The following TCF20 variants were observed in gnomAD, a reference collection of about 807,000 sequenced individuals.
TCF20 encodes transcription factor 20.
Under a neutral mutation model 148.6 loss-of-function variants are expected in TCF20, and 3 were observed. The ratio of observed to expected loss-of-function variants is 0.02; its 90% CI spans 0.01 to 0.05. TCF20 has a LOEUF of 0.05. TCF20 is among the 10% of genes least tolerant of loss of function. The probability of loss-of-function intolerance (pLI) is 1.00; values close to 1 mark genes in which losing one functional copy is unlikely to be tolerated. For synonymous variants in TCF20, 1,049 were observed against 909.5 expected, an observed-to-expected ratio of 1.15 and a Z score of -2.76; for missense variants, 2,350 against 2,429.3, an observed-to-expected ratio of 0.97 and a Z score of 0.69.
At chr22:42,335,967 G>A (rs2147061368) in intron 1 of TCF20, among the ~76,000 whole-genome samples, 1 of 152,310 alleles carries the variant, frequency 6.6e-6, no homozygotes, top group East Asian at 1.9e-4. Flanking sequence ...CCAGACACCA[G>A]GAATACAGTC....
intron 1 of TCF20, chr22:42,270,007 G>C (rs1158350089): frequency 6.6e-6 from 1 of 152,494 alleles, no homozygotes; most frequent in East Asian, 1.9e-4. Context: ...TTGCACCCAA[G>C]GCCTCGCGCG....
chr22:42,218,290 C>T (rs951167736), intron 1 of TCF20, among the ~76,000 whole-genome samples: 1 of 152,164 alleles, frequency 6.6e-6, no homozygotes, highest in African/African-American at 2.4e-5. Context: ...ACCAGTTGTC[C>T]TGTCAGTTTG....
chr22:42,178,922 A>T (rs1157418887), intron 3 of TCF20, among the ~76,000 whole-genome samples: 1 of 152,104 alleles, frequency 6.6e-6, no homozygotes, highest in Non-Finnish European at 1.5e-5. Context: ...TCTCCAAAGA[A>T]GATGTACAAA....
chr22:42,174,180 C>T (rs1296152336), intron 3 of TCF20, among the ~76,000 whole-genome samples: 4 of 152,078 alleles, frequency 2.6e-5, no homozygotes, highest in Non-Finnish European at 5.9e-5. Context: ...TAAGCCTGTG[C>T]TGTTCAGCCA....
intron 1 of TCF20, among the ~76,000 whole-genome samples, chr22:42,233,568 G>A (rs1354680127): frequency 1.3e-5 from 2 of 152,190 alleles, no homozygotes; most frequent in Non-Finnish European, 2.9e-5. Context: ...TAGAACACAA[G>A]CCATGATAAG....
chr22:42,313,710 C>T (rs1467776713), intron 1 of TCF20, among the ~76,000 whole-genome samples: 1 of 151,846 alleles, frequency 6.6e-6, no homozygotes, highest in Admixed American at 6.6e-5. Context: ...AGCAGTTCTC[C>T]CGCCTCAGCC....
At chr22:42,192,292 T>A (rs1462044919) in intron 2 of TCF20, among the ~76,000 whole-genome samples, 2 of 152,242 alleles carry the variant, frequency 1.3e-5, no homozygotes, top group African/African-American at 2.4e-5. Context: ...ATTTCAAATC[T>A]GTGAAGATCA....
intron 1 of TCF20, among the ~76,000 whole-genome samples, chr22:42,326,363 G>T (rs1290700454): frequency 6.6e-6 from 1 of 152,130 alleles, no homozygotes; most frequent in Non-Finnish European, 1.5e-5. Context: ...TCTGATTCTG[G>T]TGAAGCCGCC....
At chr22:42,303,701 G>A (rs372717368) in intron 1 of TCF20, among the ~76,000 whole-genome samples, 1 of 152,164 alleles carries the variant, frequency 6.6e-6, no homozygotes, top group African/African-American at 2.4e-5. Flanking sequence ...GGACCCTTGC[G>A]GATTAGAGGA....
At chr22:42,319,799 C>T (rs895316562) in intron 1 of TCF20, among the ~76,000 whole-genome samples, 7 of 152,110 alleles carry the variant, frequency 4.6e-5, no homozygotes, top group Non-Finnish European at 1.0e-4. Context: ...GCGAGGAGGC[C>T]GGGGAAGCCA....
rs749006743 is a variant in TCF20 at position 42,213,616 on chromosome 22, C to A, written c.1690G>T (p.Ala564Ser). The A allele has an allele frequency of 3.7e-6, 6 of 1,614,108 alleles. No individual in the cohort carries two copies. Among genetic ancestry groups the A allele is most frequent in the Non-Finnish European group, 5.1e-6 (6 of 1,180,042 alleles). The part of the protein sequence containing the change: ...EKAGSSPAQG[A>S]QNEPPRLNAS... The stretch of plus-strand genomic sequence containing the variant: ...TTGAGTCTGGGGGGTTCATTCTGAG[C>A]ACCTTGTGCCGGTGAGGAGCCAGCT... Residue 564 changes from alanine (A) to serine (S), a missense_variant, in exon 2 of 6, where the codon GCT (alanine) becomes TCT (serine). Ala to Ser is a moderately conservative substitution (Grantham distance 99). Coordinates refer to ENST00000677622, the MANE Select transcript of TCF20 (RefSeq NM_001378418.1).
At chr22:42,305,237 G>A (rs1193156472) in intron 1 of TCF20, among the ~76,000 whole-genome samples, 1 of 152,112 alleles carries the variant, frequency 6.6e-6, no homozygotes, top group Non-Finnish European at 1.5e-5. Flanking sequence ...TTCAAGAGCT[G>A]GCCCAATCCC....
In TCF20 at chr22:42,295,720, G is replaced by A. The variant is rs1267267443; in HGVS notation, c.-37+47759C>T. 3.9e-5 allele frequency among the ~76,000 whole-genome samples: 6 copies of A among 151,986 alleles called. No individual in the cohort carries two copies. The East Asian group carries it at 5.8e-4, about 15-fold the overall frequency. The stretch of plus-strand genomic sequence containing the variant: ...CTCCCAAAGTGTTGGGATTACAGGC[G>A]TGAGCCACCGCGCCCGGCCTACTCC... On this transcript the variant is annotated intron_variant, in intron 1 of 1. Transcript: ENST00000515426.
rs1569189361 is a variant in TCF20, at chr22:42,255,492, AACAACAACAAC to A, written c.-37+14836_-37+14846del. On this transcript the variant is annotated intron_variant, in intron 1 of 5. Transcript: ENST00000677622. The stretch of plus-strand genomic sequence containing the variant: ...AACAGAGTGAGACTTCATCTCAAAC[AACAACAACAAC>A]AACAACAACAACAACAACAACAACA... Among the ~76,000 whole-genome samples the A allele has an allele frequency of 3.8e-3, 562 of 149,512 alleles. 3 individuals are homozygous for A. The highest frequency in any genetic ancestry group is 0.01 in the African/African-American group (407 of 40,438).
chr22:42,222,432 A>C (rs1318151054), intron 1 of TCF20, among the ~76,000 whole-genome samples: 1 of 152,100 alleles, frequency 6.6e-6, no homozygotes, highest in African/African-American at 2.4e-5. Context: ...ATAACACCTG[A>C]AAAGTTCTCT....
At chr22:42,274,796 C>T (rs1339827466), upstream of TCF20, 2 of 152,256 alleles carry the variant, frequency 1.3e-5, no homozygotes, top group East Asian at 1.9e-4. Flanking sequence ...CTCTGCTTCT[C>T]TTGGGTCTCC....
Position 42,210,951 on chromosome 22 carries a change from T to C in TCF20, c.4355A>G (p.Glu1452Gly). ...DDKVKTETHA[E>G]TVTAGKEPPG... ...GGGTTCCTTTCCGGCAGTAACTGTT[T>C]CTGCATGTGTCTCTGTCTTCACTTT... Residue 1452 changes from glutamate (E) to glycine (G), a missense_variant, in exon 2 of 6, where the codon GAA becomes GGA. Transcript: ENST00000677622. The surrounding 1 kb of genome is among the most constrained non-coding windows in gnomAD (Gnocchi z 4.7). The C allele has an allele frequency of 6.2e-7, 1 of 1,614,158 alleles. No homozygotes were observed. The highest frequency in any genetic ancestry group is 1.6e-4 in the Middle Eastern group (1 of 6,062).
chr22:42,234,152 A>G (rs1266471236), intron 1 of TCF20, among the ~76,000 whole-genome samples: 4 of 152,258 alleles, frequency 2.6e-5, no homozygotes. Flanking sequence ...GCAGAAGTCG[A>G]GTCCAAACAA....
chr22:42,322,557 C>T lies in TCF20; in HGVS notation c.-37+20922G>A, dbSNP rs1208082950. On this transcript the variant is annotated intron_variant, in intron 1 of 1. Coordinates refer to the TCF20 transcript ENST00000515426. ...TTGGGCAGAGGAGAGGAAGGACGTT[C>T]GTTCATTCACTGGCTCAGCATTTGT... Among the ~76,000 whole-genome samples the T allele has an allele frequency of 5.3e-5, 8 of 151,826 alleles. No individual in the cohort carries two copies. In the East Asian group the frequency reaches 7.7e-4, roughly 15 times the overall value.
Sources: allele counts gnomAD v4.1 joint callset (sites outside exome capture counted in the v4.1 genomes callset), GRCh38; gene constraint gnomAD v4.1.1; non-coding constraint Gnocchi (gnomAD v3.1); transcripts MANE v1.5; gene names NCBI Gene and HGNC (gene_info 2026-07-23, HGNC 2026-07-21).